KRT72: variants seen among roughly 807,000 people sequenced by gnomAD.
The protein encoded by KRT72 is keratin 72.
A neutral mutation model predicts 44.7 loss-of-function variants in KRT72; 44 were observed. The ratio of observed to expected loss-of-function variants is 0.98; its 90% CI spans 0.77 to 1.27. The LOEUF is 1.27. Ranked by LOEUF, KRT72 falls within the 50% of genes most tolerant of loss-of-function variation. The probability of loss-of-function intolerance (pLI) is 0.00; values close to 1 mark genes in which losing one functional copy is unlikely to be tolerated. For missense variants in KRT72, 736 were observed against 667.1 expected (o/e 1.10, Z -1.14); for synonymous variants, 302 against 280.4 (o/e 1.08, Z -0.77).
At chr12:52,598,750 A>T in intron 2 of KRT72, 148 bp downstream of exon 2, 2 of 666,506 alleles carry the variant, frequency 3.0e-6, no homozygotes, top group East Asian at 5.4e-5. Flanking sequence ...GTGTAGGTAG[A>T]TCTATTCTTT....
At chr12:52,598,787 C>G in intron 2 of KRT72, 111 bp downstream of exon 2, 1 of 864,922 alleles carries the variant, frequency 1.2e-6, no homozygotes, top group Non-Finnish European at 1.9e-6. Flanking sequence ...TCTGGATGTT[C>G]CTCCCTCCCC....
At chr12:52,598,206 G>A (rs1194965247) in intron 2 of KRT72, among the ~76,000 whole-genome samples, 2 of 152,212 alleles carry the variant, frequency 1.3e-5, no homozygotes, top group Non-Finnish European at 2.9e-5. Context: ...CTTGGGCCAG[G>A]GTTCTGCTTT....
At chr12:52,586,694 T>G (rs188701197) in intron 8 of KRT72, among the ~76,000 whole-genome samples, 179 of 152,354 alleles carry the variant, frequency 1.2e-3, no homozygotes, top group African/African-American at 3.8e-3. Flanking sequence ...ATGTCACAAT[T>G]AAGCATCAAT....
At chr12:52,602,050 G>A (rs7956363), upstream of KRT72, among the ~76,000 whole-genome samples, 53,102 of 152,086 alleles carry the variant, frequency 0.35, 9,894 homozygotes, top group East Asian at 0.59. Context: ...CTCTCAGTCT[G>A]TTGGAGAAGG....
intron 7 of KRT72, 135 bp from the exon 8 acceptor site, chr12:52,587,115 A>G: frequency 2.6e-6 from 2 of 780,068 alleles, no homozygotes; most frequent in South Asian, 3.0e-5. Context: ...TTCTTCCCAC[A>G]CATCCCAGTG....
At position 52,601,222 on chromosome 12, in the gene KRT72, G is replaced by T. The variant is rs1460230069; in HGVS notation, c.231C>A (p.Thr77=). ...GCCCCAGCCCGGCGCTGCCGAAGGC[G>T]GTGCCCACGAAGCCGCCCAGGCGGC... ...GGGRLGGFVG[T]AFGSAGLGPK... Residue 77 remains threonine (T), a synonymous_variant, in exon 1 of 9, where the codon ACC becomes ACA. Coordinates refer to ENST00000293745, the MANE Select transcript of KRT72 (RefSeq NM_080747.3). The T allele has an allele frequency of 6.2e-7, 1 of 1,604,338 alleles. No homozygotes were observed.
upstream of KRT72, among the ~76,000 whole-genome samples, chr12:52,601,811 T>C (rs555048079): frequency 6.6e-6 from 1 of 152,152 alleles, no homozygotes; most frequent in Non-Finnish European, 1.5e-5. Context: ...CCTGGAAACT[T>C]CCAGTGGGGC....
In KRT72 at chr12:52,587,661, T is replaced by C; in HGVS notation, c.1280A>G (p.Tyr427Cys). 5.6e-6 allele frequency: 9 copies of C among 1,614,134 alleles called. No homozygotes were observed. Among genetic ancestry groups the C allele is most frequent in the Non-Finnish European group, 7.6e-6 (9 of 1,180,032 alleles). The change falls in exon 7 of 9, where the codon TAC becomes TGC. Residue 427 changes from tyrosine (Y) to cysteine (C), a missense_variant. Tyr to Cys is a radical substitution (Grantham distance 194). Coordinates refer to ENST00000293745, the MANE Select transcript of KRT72 (RefSeq NM_080747.3). ...CTCCTCGCTCTCCAGCAGCTTGCGGTAGGTGGCGATCTCCATATCCAGGGC... is the reference window on the plus strand; with the variant it reads ...CTCCTCGCTCTCCAGCAGCTTGCGGCAGGTGGCGATCTCCATATCCAGGGC... Reference protein sequence around the residue: ...KLALDMEIATYRKLLESEECR... With the variant: ...KLALDMEIATCRKLLESEECR...
At position 52,587,776 on chromosome 12, in the gene KRT72, G is replaced by C. The variant is rs1404414631; in HGVS notation, c.1165C>G (p.Leu389Val). The C allele has an allele frequency of 1.2e-6, 2 of 1,614,128 alleles. No homozygotes were observed. Among genetic ancestry groups the C allele is most frequent in the Admixed American group, 3.3e-5 (2 of 60,022 alleles). ...TGCAGGGCGCCCTCCAGCTCATCCA[G>C]CTTGGCCCGGGCATCTTTCAGGGCG... ...DCALKDARAK[L>V]DELEGALHQA... The change falls in exon 7 of 9, where the codon CTG (leucine) becomes GTG (valine). Residue 389 changes from leucine (L) to valine (V), a missense_variant. Transcript: ENST00000293745.
Position 52,590,850 on chromosome 12 carries a change from T to G in KRT72, c.1075A>C (p.Asn359His). Residue 359 changes from asparagine to histidine, a missense_variant, in exon 6 of 9, where the codon AAT (asparagine) becomes CAT (histidine). By Grantham distance (68) the Asn-to-His change is moderately conservative. Transcript: ENST00000293745. ...LIQRIRSEIG[N>H]VKKQCADLET... The stretch of plus-strand genomic sequence containing the variant: ...ATAGAACCCACCTGCTTCTTCACAT[T>G]CCCTATCTCTGAGCGGATCCTCTGG... 1 of 1,577,828 alleles carries G rather than the reference T, an allele frequency of 6.3e-7. No individual in the cohort carries two copies. The highest frequency in any genetic ancestry group is 8.7e-7 in the Non-Finnish European group (1 of 1,154,704).
At position 52,599,077 on chromosome 12, in the gene KRT72, C is replaced by T. The variant is rs139883086; in HGVS notation, c.462G>A (p.Glu154=). The T allele has an allele frequency of 5.0e-6, 8 of 1,614,170 alleles. No individual in the cohort carries two copies. Among genetic ancestry groups the T allele is most frequent in the Middle Eastern group, 1.7e-4 (1 of 6,060 alleles). The change falls in exon 2 of 9, where the codon GAG becomes GAA. Residue 154 remains glutamate (E), a synonymous_variant. Transcript: ENST00000293745. The stretch of plus-strand genomic sequence containing the variant: ...GCTGCTGTAGGAGGTTCCACTTGGT[C>T]TCTAGCACCTGATTCTGCTGCTCCA... ...RFLEQQNQVL[E]TKWNLLQQLD... is the part of the protein sequence containing the mutation.
At chr12:52,592,318 A>C (rs916248969) in intron 4 of KRT72, 78 bp downstream of exon 4, 37 of 1,030,368 alleles carry the variant, frequency 3.6e-5, no homozygotes, top group Non-Finnish European at 5.3e-5. Flanking sequence ...TTCTTGGTCC[A>C]CACCACCTTC....
At chr12:52,587,521 G>A (rs2120715837) in intron 7 of KRT72, 110 bp downstream of exon 7, 2 of 1,154,634 alleles carry the variant, frequency 1.7e-6, no homozygotes, top group Non-Finnish European at 1.3e-6. Context: ...CCCATTTGCT[G>A]TATGGTTTTA....
chr12:52,599,237 T>C (rs1276142427), intron 1 of KRT72, 125 bp from the exon 2 acceptor site: 2 of 856,602 alleles, frequency 2.3e-6, no homozygotes, highest in Admixed American at 2.0e-5. Flanking sequence ...ACAAGGCTTA[T>C]CCCGGGGTGG....
chr12:52,601,080 C>T lies in KRT72; in HGVS notation c.373G>A (p.Glu125Lys), dbSNP rs1345059963. 4 of 1,612,374 alleles carry T rather than the reference C, an allele frequency of 2.5e-6. No individual in the cohort carries two copies. Among genetic ancestry groups the T allele is most frequent in the Admixed American group, 3.4e-5 (2 of 59,672 alleles). The stretch of plus-strand genomic sequence containing the variant: ...TTTAGCGCCTTGATCTGCTCCCGCT[C>T]CTGGGCGCGCACCCTCTGGATCTCG... ...DPEIQRVRAQ[E>K]REQIKALNNK... Residue 125 changes from glutamate to lysine, a missense_variant, in exon 1 of 9, where the codon GAG (glutamate) becomes AAG (lysine). Physicochemically the swap from Glu to Lys is moderately conservative, Grantham distance 56. Coordinates refer to ENST00000293745, the MANE Select transcript of KRT72 (RefSeq NM_080747.3).
At position 52,591,528 on chromosome 12, in the gene KRT72, C is replaced by T. The variant is rs149642871; in HGVS notation, c.899G>A (p.Arg300His). The change falls in exon 5 of 9, where the codon CGT becomes CAT. Residue 300 changes from arginine to histidine, a missense_variant. Transcript: ENST00000293745. ...LDLDSIIAEV[R>H]AQYEEIALKS... Reference sequence around the variant, plus strand: ...TAGGGCAATCTCCTCGTACTGGGCACGGACCTCGGCAATGATGCTGTCCAG... The same window carrying T: ...TAGGGCAATCTCCTCGTACTGGGCATGGACCTCGGCAATGATGCTGTCCAG... 180 of 1,614,092 alleles carry T rather than the reference C, an allele frequency of 1.1e-4. 2 individuals carry two copies. Among genetic ancestry groups the T allele is most frequent in the Middle Eastern group, 9.9e-4 (6 of 6,062 alleles).
At chr12:52,590,051 T>C (rs1224125238) in intron 6 of KRT72, among the ~76,000 whole-genome samples, 1 of 151,946 alleles carries the variant, frequency 6.6e-6, no homozygotes, top group Non-Finnish European at 1.5e-5. Context: ...TGGTGAGAGA[T>C]GGGGTGCAGG....
chr12:52,586,082 G>T lies in KRT72; in HGVS notation c.1436C>A (p.Ala479Asp). ...ASSSYSYKTA[A>D]ADVKTKGSCG... ...GCTGCCTTTGGTCTTGACGTCTGCAGCTGCAGTTTTGTAGCTATAACTGCT... is the reference window on the plus strand; with the variant it reads ...GCTGCCTTTGGTCTTGACGTCTGCATCTGCAGTTTTGTAGCTATAACTGCT... Residue 479 changes from alanine (A) to aspartate (D), a missense_variant, in exon 9 of 9, where the codon GCT becomes GAT. Transcript: ENST00000293745. 1 of 1,614,208 alleles carries T rather than the reference G, an allele frequency of 6.2e-7. No individual in the cohort carries two copies. The highest frequency in any genetic ancestry group is 8.5e-7 in the Non-Finnish European group (1 of 1,180,042).
At chr12:52,594,728 T>A (rs548265751) in intron 2 of KRT72, among the ~76,000 whole-genome samples, 50 of 152,318 alleles carry the variant, frequency 3.3e-4, no homozygotes, top group Non-Finnish European at 6.2e-4. Flanking sequence ...TGTGCAAATG[T>A]ACCCTAGAAC....
Sources: allele counts gnomAD v4.1 joint callset (sites outside exome capture counted in the v4.1 genomes callset), GRCh38; gene constraint gnomAD v4.1.1; transcripts MANE v1.5; gene names NCBI Gene and HGNC (gene_info 2026-07-23, HGNC 2026-07-21).